Variants in TNS3 observed in about 807,000 individuals in gnomAD.
The protein encoded by TNS3 is tensin-3.
In TNS3, 45 loss-of-function variants were observed where a neutral mutation model predicts 140.9. The ratio of observed to expected loss-of-function variants is 0.32; its 90% CI spans 0.25 to 0.41. TNS3 has a LOEUF of 0.41. Ranked by LOEUF, TNS3 falls within the 10% of genes least tolerant of loss-of-function variation. TNS3 has a pLI of 1.00. For synonymous variants in TNS3, 815 were observed against 788.4 expected (o/e 1.03, Z -0.56); for missense variants, 1,716 against 1,906.7 (o/e 0.90, Z 1.86).
At chr7:47,313,496 C>G (rs909159910) in intron 20 of TNS3, among the ~76,000 whole-genome samples, 1 of 152,148 alleles carries the variant, frequency 6.6e-6, no homozygotes, top group African/African-American at 2.4e-5. Flanking sequence ...GTTTATTAAT[C>G]AAGTTTAATA....
intron 27 of TNS3, among the ~76,000 whole-genome samples, chr7:47,284,858 G>A (rs572075248): frequency 6.6e-5 from 10 of 152,366 alleles, no homozygotes; most frequent in Admixed American, 2.6e-4. Flanking sequence ...TGCACGGTAC[G>A]CGCTGGGTAG....
intron 1 of TNS3, among the ~76,000 whole-genome samples, chr7:47,537,383 C>T (rs1354579001): frequency 6.6e-6 from 1 of 152,114 alleles, no homozygotes; most frequent in Non-Finnish European, 1.5e-5. Flanking sequence ...CGGCGTCCCT[C>T]CATCTGACAC....
intron 2 of TNS3, among the ~76,000 whole-genome samples, chr7:47,519,816 C>CTTTTTTTTTTTTTTTTTTTTTTTTT (rs34418629): frequency 1.3e-5 from 1 of 74,824 alleles, no homozygotes; most frequent in Non-Finnish European, 2.3e-5. Context: ...CCTCACATTT[C>CTTTTTTTTTTTTTTTTTTTTTTTTT]TTTTTTTTTT....
intron 4 of TNS3, among the ~76,000 whole-genome samples, chr7:47,463,433 G>A (rs1395675029): frequency 2.6e-5 from 4 of 152,158 alleles, no homozygotes; most frequent in Non-Finnish European, 5.9e-5. Context: ...GACAAAGAGA[G>A]ACCCTAATTT....
chr7:47,374,685 C>A (rs771973800), intron 16 of TNS3, among the ~76,000 whole-genome samples: 16 of 152,214 alleles, frequency 1.1e-4, no homozygotes, highest in Non-Finnish European at 2.1e-4. Flanking sequence ...TGTTTGCAGC[C>A]CCCAAAGGCG....
At chr7:47,536,743 G>C (rs1243864123) in intron 1 of TNS3, among the ~76,000 whole-genome samples, 2 of 152,136 alleles carry the variant, frequency 1.3e-5, no homozygotes, top group East Asian at 3.9e-4. Context: ...ACACACAAGG[G>C]TACACACGCA....
intron 17 of TNS3, among the ~76,000 whole-genome samples, chr7:47,354,887 G>A (rs540236021): frequency 2.0e-5 from 3 of 152,232 alleles, no homozygotes; most frequent in Non-Finnish European, 2.9e-5. Context: ...ATGACTGGAC[G>A]CTGCCCATCT....
chr7:47,559,888 A>G lies in TNS3; in HGVS notation c.-265+22163T>C, dbSNP rs1429364702. On this transcript the variant is annotated intron_variant, in intron 1 of 30. Transcript: ENST00000311160. ...ATTCGGCGGTCGAGCAGCCCTGATGATCTGATGAAGCTACAAACCCTGAGA... is the reference window on the plus strand; with the variant it reads ...ATTCGGCGGTCGAGCAGCCCTGATGGTCTGATGAAGCTACAAACCCTGAGA... Among the ~76,000 whole-genome samples the G allele has an allele frequency of 2.0e-5, 3 of 152,168 alleles. No homozygotes were observed. The East Asian group carries it at 5.8e-4, about 29-fold the overall frequency.
chr7:47,304,270 C>T (rs1786608873), intron 21 of TNS3, among the ~76,000 whole-genome samples: 1 of 152,208 alleles, frequency 6.6e-6, no homozygotes. Flanking sequence ...GCTAAAACCA[C>T]ACCACGTGAC....
intron 28 of TNS3, among the ~76,000 whole-genome samples, 173 bp from the exon 29 acceptor site, chr7:47,280,527 G>A (rs1785088036): frequency 6.6e-6 from 1 of 152,166 alleles, no homozygotes; most frequent in South Asian, 2.1e-4. Context: ...GTCAACAGAT[G>A]TCATGAAGCT....
At chr7:47,427,830 A>T (rs1794737039) in intron 9 of TNS3, among the ~76,000 whole-genome samples, 1 of 152,212 alleles carries the variant, frequency 6.6e-6, no homozygotes, top group African/African-American at 2.4e-5. Flanking sequence ...AATGATAGTA[A>T]CTGCCTCGTG....
intron 1 of TNS3, chr7:47,557,210 C>T (rs2151992562): frequency 2.2e-6 from 1 of 451,070 alleles, no homozygotes; most frequent in Non-Finnish European, 4.5e-6. Context: ...GGAAAGTTTA[C>T]AAGCGTCCTA....
intron 13 of TNS3, among the ~76,000 whole-genome samples, chr7:47,401,902 G>A (rs555036718): frequency 4.1e-4 from 62 of 152,360 alleles, no homozygotes; most frequent in African/African-American, 1.5e-3. Flanking sequence ...AGACCAAATC[G>A]TGCACAGGCA....
intron 7 of TNS3, among the ~76,000 whole-genome samples, chr7:47,435,945 C>T (rs768267556): frequency 3.3e-5 from 5 of 152,220 alleles, no homozygotes; most frequent in South Asian, 2.1e-4. Context: ...CACAGTGACT[C>T]GGTGCAGAAC....
chr7:47,458,932 C>T (rs1156989804), intron 4 of TNS3, among the ~76,000 whole-genome samples: 3 of 152,154 alleles, frequency 2.0e-5, no homozygotes, highest in Non-Finnish European at 4.4e-5. Context: ...CCTCTCTCTC[C>T]CTCCCATACC....
intron 4 of TNS3, among the ~76,000 whole-genome samples, chr7:47,462,529 A>C (rs965966090): frequency 6.6e-6 from 1 of 152,196 alleles, no homozygotes; most frequent in Non-Finnish European, 1.5e-5. Context: ...CAGTGTTTGC[A>C]GCAACTTTAT....
At chr7:47,443,802 T>C (rs911388556) in intron 4 of TNS3, among the ~76,000 whole-genome samples, 4 of 152,112 alleles carry the variant, frequency 2.6e-5, no homozygotes, top group Non-Finnish European at 4.4e-5. Context: ...ACACCTGTAA[T>C]CCTAGCTACT....
intron 2 of TNS3, among the ~76,000 whole-genome samples, chr7:47,519,504 A>G (rs1022484520): frequency 2.6e-5 from 4 of 152,128 alleles, no homozygotes; most frequent in Non-Finnish European, 5.9e-5. Flanking sequence ...GGGGCCACTC[A>G]TCACCATGTA....
At chr7:47,558,163 G>T (rs1204958086) in intron 1 of TNS3, among the ~76,000 whole-genome samples, 2 of 152,132 alleles carry the variant, frequency 1.3e-5, no homozygotes, top group South Asian at 4.1e-4. Flanking sequence ...GAGGGAGCCC[G>T]ATTCTAGCAT....
Sources: gnomAD v4.1 joint callset for allele counts (sites outside exome capture counted in the v4.1 genomes callset) on GRCh38, gnomAD v4.1.1 for gene constraint, MANE v1.5 for transcripts, NCBI Gene and HGNC (gene_info 2026-07-23, HGNC 2026-07-21) for gene names.